The following FKBP5 variants were observed in gnomAD, a reference collection of about 807,000 sequenced individuals.
FKBP5 encodes the protein peptidyl-prolyl cis-trans isomerase FKBP5.
Under a neutral mutation model 50.5 loss-of-function variants are expected in FKBP5, and 23 were observed. The observed-to-expected ratio is 0.46, with a 90% confidence interval of 0.33 to 0.65. The LOEUF (loss-of-function observed/expected upper bound fraction) is 0.65, where lower values mean the gene tolerates loss of function less well. Ranked by LOEUF, FKBP5 falls within the 30% of genes least tolerant of loss-of-function variation. FKBP5 has a pLI of 0.02. For missense variants in FKBP5, 411 were observed against 553.1 expected, an observed-to-expected ratio of 0.74 and a Z score of 2.58; for synonymous variants, 176 against 190.6, an observed-to-expected ratio of 0.92 and a Z score of 0.63.
chr6:35,637,529 T>C (rs1277436840), intron 2 of FKBP5, among the ~76,000 whole-genome samples: 1 of 144,394 alleles, frequency 6.9e-6, no homozygotes, highest in African/African-American at 2.5e-5. Flanking sequence ...AATGGCACGA[T>C]CTCGGCTCAC....
intron 1 of FKBP5, among the ~76,000 whole-genome samples, chr6:35,652,850 T>C (rs10456431): frequency 0.14 from 21,865 of 152,080 alleles, 2,006 homozygotes; most frequent in Non-Finnish European, 0.2. Context: ...TTTTTGTGGC[T>C]TGTGGGGCAT....
intron 1 of FKBP5, among the ~76,000 whole-genome samples, chr6:35,685,821 A>T (rs1765807588): frequency 6.6e-6 from 1 of 152,118 alleles, no homozygotes; most frequent in African/African-American, 2.4e-5. Flanking sequence ...GTCTCTACTA[A>T]AAATACAAAA....
At chr6:35,675,756 T>C (rs1765508738) in intron 1 of FKBP5, among the ~76,000 whole-genome samples, 1 of 152,176 alleles carries the variant, frequency 6.6e-6, no homozygotes, top group Non-Finnish European at 1.5e-5. Flanking sequence ...TCACAGTCCA[T>C]TATGACTTCA....
intron 1 of FKBP5, among the ~76,000 whole-genome samples, chr6:35,648,382 C>T (rs1764689069): frequency 6.6e-6 from 1 of 151,972 alleles, no homozygotes; most frequent in Non-Finnish European, 1.5e-5. Flanking sequence ...CAATCCTCCC[C>T]TTCAGCCACC....
intron 2 of FKBP5, among the ~76,000 whole-genome samples, chr6:35,699,813 G>T (rs1282190615): frequency 6.6e-6 from 1 of 152,136 alleles, no homozygotes; most frequent in African/African-American, 2.4e-5. Context: ...TTGGGAGGCC[G>T]ATGCGGGCAG....
rs1765057303 is a variant in FKBP5 at position 35,660,755 on chromosome 6, TGA to T, written c.-19-17914_-19-17913del. ...TTTGTCTACTTGTTCTATCAATTAT[TGA>T]GAGACAGGTGAGGTATTGAAATCTC... is the stretch of plus-strand genomic sequence containing the variant. On this transcript the variant is annotated intron_variant, in intron 1 of 10. Transcript: ENST00000357266. Among the ~76,000 whole-genome samples the T allele has an allele frequency of 2.4e-5, 2 of 84,114 alleles. 1 individual carries two copies. The highest frequency in any genetic ancestry group is 7.6e-4 in the East Asian group (2 of 2,626). 55.2% of individuals were successfully genotyped at this position (84,114 alleles called of 152,430 possible).
intron 2 of FKBP5, among the ~76,000 whole-genome samples, chr6:35,699,537 C>T (rs1217423462): frequency 6.6e-6 from 1 of 152,162 alleles, no homozygotes; most frequent in Admixed American, 6.6e-5. Context: ...CTCACTGCTC[C>T]TTAATTCCCC....
chr6:35,654,235 A>G (rs1399874066), intron 1 of FKBP5, among the ~76,000 whole-genome samples: 1 of 152,242 alleles, frequency 6.6e-6, no homozygotes, highest in East Asian at 1.9e-4. Flanking sequence ...AATTATGCAA[A>G]TATTATGCAT....
intron 2 of FKBP5, among the ~76,000 whole-genome samples, chr6:35,717,396 A>G (rs573016154): frequency 1.3e-5 from 2 of 152,252 alleles, no homozygotes; most frequent in East Asian, 3.9e-4. Context: ...GTATTCATGT[A>G]TGTGTGAGTG....
chr6:35,702,475 C>T (rs1292921810), intron 2 of FKBP5, among the ~76,000 whole-genome samples: 9 of 146,510 alleles, frequency 6.1e-5, no homozygotes, highest in African/African-American at 7.6e-5. Context: ...TTTTTTGAGA[C>T]GGAGTCTTGC....
intron 2 of FKBP5, among the ~76,000 whole-genome samples, chr6:35,704,553 G>C (rs9394312): frequency 0.57 from 86,354 of 152,008 alleles, 25,311 homozygotes; most frequent in African/African-American, 0.7. Context: ...ACCAAGATCA[G>C]TGGGAGCCTC....
Position 35,715,511 on chromosome 6 carries a change from AG to A in FKBP5, c.-20+4816del, listed in dbSNP as rs530813205. ...AAAATGTGTTCCAATAGAGACAAAG[AG>A]GGCCCCCCTCAGTCTAGAAAGATTT... On this transcript the variant is annotated intron_variant, in intron 2 of 11. Coordinates refer to the FKBP5 transcript ENST00000536438. Among the ~76,000 whole-genome samples the A allele has an allele frequency of 1.3e-4, 20 of 152,362 alleles. No homozygotes were observed. In the East Asian group the frequency reaches 3.7e-3, roughly 28 times the overall value.
In FKBP5 at chr6:35,583,279, C is replaced by T. The variant is rs1266763654; in HGVS notation, c.841-3058G>A. Reference sequence around the variant, plus strand: ...ATTAACTTAACTTTTCTGATTATCTCCTAATATATTGTATAGGGAAAGAAA... The same window carrying T: ...ATTAACTTAACTTTTCTGATTATCTTCTAATATATTGTATAGGGAAAGAAA... On this transcript the variant is annotated intron_variant, in intron 8 of 10. Transcript: ENST00000357266. The T allele has an allele frequency of 3.0e-6, 3 of 985,162 alleles. No individual in the cohort carries two copies. In the African/African-American group the frequency reaches 5.2e-5, roughly 17 times the overall value. 61.0% of individuals were successfully genotyped at this position (985,162 alleles called of 1,614,324 possible).
Position 35,597,470 on chromosome 6 carries a change from A to T in FKBP5, c.509-66T>A. 2.6e-6 allele frequency: 4 copies of T among 1,527,082 alleles called. No homozygotes were observed. The Admixed American group carries it at 8.8e-5, about 34-fold the overall frequency. The allele number at this position is 1,527,082 out of a possible 1,614,324, so 94.6% of individuals were successfully genotyped here. ...TAGGACTGGCTAATTCAGTGAAGTG[A>T]TAAATGAGTGGTCGACAATGTAGCA... On this transcript the variant is annotated intron_variant, in intron 5 of 10. Transcript: ENST00000357266.
chr6:35,694,711 A>G (rs1766055058), intron 2 of FKBP5, among the ~76,000 whole-genome samples: 1 of 151,888 alleles, frequency 6.6e-6, no homozygotes, highest in Admixed American at 6.6e-5. Flanking sequence ...TTTTCTTTTT[A>G]GTGTGTGTTT....
chr6:35,635,063 G>A (rs578054243), intron 3 of FKBP5, among the ~76,000 whole-genome samples: 2 of 150,688 alleles, frequency 1.3e-5, no homozygotes, highest in South Asian at 4.2e-4. Flanking sequence ...GCTGGGCATG[G>A]TGGCTCATGC....
chr6:35,679,295 G>C (rs751540543), intron 1 of FKBP5, among the ~76,000 whole-genome samples: 15 of 152,178 alleles, frequency 9.9e-5, no homozygotes, highest in Admixed American at 4.6e-4. Flanking sequence ...CTTCAGTTAA[G>C]GCTGACCATT....
At chr6:35,689,974 C>A (rs190578760), upstream of FKBP5, among the ~76,000 whole-genome samples, 24 of 152,322 alleles carry the variant, frequency 1.6e-4, no homozygotes, top group East Asian at 4.0e-3. Flanking sequence ...CTAATCAACT[C>A]TCTCATTTTT....
At chr6:35,691,465 G>A (rs1436159082), upstream of FKBP5, among the ~76,000 whole-genome samples, 1 of 152,198 alleles carries the variant, frequency 6.6e-6, no homozygotes, top group Non-Finnish European at 1.5e-5. Context: ...CGTGTCACAT[G>A]TCTGGGACCA....
Sources: gnomAD v4.1 joint callset for allele counts (sites outside exome capture counted in the v4.1 genomes callset) on GRCh38, gnomAD v4.1.1 for gene constraint, MANE v1.5 for transcripts, NCBI Gene and HGNC (gene_info 2026-07-23, HGNC 2026-07-21) for gene names.